Variants in RASEF observed in about 807,000 individuals in gnomAD.
RASEF encodes the protein RAS and EF-hand domain containing, also known as ras and EF-hand domain-containing protein.
A neutral mutation model predicts 90.1 loss-of-function variants in RASEF; 68 were observed. The observed-to-expected ratio is 0.75, with a 90% CI of 0.62 to 0.92. The LOEUF (loss-of-function observed/expected upper bound fraction) is 0.92. RASEF is among the 40% of genes least tolerant of loss of function. The pLI is 0.00. For missense variants in RASEF, 949 were observed against 937.2 expected (o/e 1.01, Z -0.16); for synonymous variants, 331 against 345.2 (o/e 0.96, Z 0.46).
chr9:83,028,121 A>T (rs1039968060), intron 1 of RASEF, among the ~76,000 whole-genome samples: 1 of 152,240 alleles, frequency 6.6e-6, no homozygotes, highest in Non-Finnish European at 1.5e-5. Context: ...TAATACCAGC[A>T]TCAAATAATT....
chr9:83,062,338 TA>T (rs774928737), intron 1 of RASEF, 98 bp downstream of exon 1: 14,344 of 748,758 alleles, frequency 0.019, 195 homozygotes, highest in South Asian at 0.1. Context: ...CAGAGAAGAC[TA>T]GGGGGGGGGG....
At chr9:82,985,546 G>A (rs1276188446) in intron 16 of RASEF, among the ~76,000 whole-genome samples, 4 of 152,160 alleles carry the variant, frequency 2.6e-5, no homozygotes, top group Non-Finnish European at 4.4e-5. Context: ...GGGACTCTGT[G>A]TTTTCAGTAA....
Position 83,022,372 on chromosome 9 carries a change from C to A in RASEF, c.633G>T (p.Gln211His), listed in dbSNP as rs1450923873. ...QLSELEEEMD[Q>H]RIQAAEHKTR... ...TCTTATGTTCTGCAGCCTGAATCCT[C>A]TGATCCATTTCCTCTTCCAACTCAC... Residue 211 changes from glutamine to histidine, a missense_variant, in exon 3 of 17, where the codon CAG becomes CAT. Transcript: ENST00000376447. 1 of 1,614,150 alleles carries A rather than the reference C, an allele frequency of 6.2e-7. No homozygotes were observed. Among genetic ancestry groups the A allele is most frequent in the Admixed American group, 1.7e-5 (1 of 60,020 alleles).
Position 83,062,736 on chromosome 9 carries a change from C to G in RASEF, c.132G>C (p.Pro44=). ...GCTGGAATACTGCCTCGGCGTCGGC[C>G]GGCCGCACCCGCAGCTCCGTGCACA... ...RALCTELRVR[P]ADAEAVFQRL... The change falls in exon 1 of 17, where the codon CCG becomes CCC. Residue 44 remains proline (P), a synonymous_variant. Coordinates refer to ENST00000376447, the MANE Select transcript of RASEF (RefSeq NM_152573.4). 1 of 1,569,612 alleles carries G rather than the reference C, an allele frequency of 6.4e-7. No individual in the cohort carries two copies. Among genetic ancestry groups the G allele is most frequent in the Non-Finnish European group, 8.6e-7 (1 of 1,166,382 alleles).
At chr9:83,008,446 A>C (rs1392310822) in intron 6 of RASEF, among the ~76,000 whole-genome samples, 1 of 151,476 alleles carries the variant, frequency 6.6e-6, no homozygotes, top group Non-Finnish European at 1.5e-5. Flanking sequence ...ATCCTTCCCT[A>C]TGTTCTGGTC....
the RASEF span, among the ~76,000 whole-genome samples, chr9:83,117,642 C>A: frequency 6.6e-6 from 1 of 152,142 alleles, no homozygotes; most frequent in Non-Finnish European, 1.5e-5. Context: ...TTTGTGAATC[C>A]TGTATGTGTA....
chr9:83,014,738 A>T lies in RASEF; in HGVS notation c.765+1067T>A, dbSNP rs116223896. On this transcript the variant is annotated intron_variant, in intron 4 of 16. Transcript: ENST00000376447. The stretch of plus-strand genomic sequence containing the variant: ...TACAGTGCCGGAGCCAGCCTGTACC[A>T]GCAGGTGAGAGTCTGCTTTAAGCAT... 6.1e-3 allele frequency among the ~76,000 whole-genome samples: 922 copies of T among 152,348 alleles called. 7 individuals are homozygous for T. Among genetic ancestry groups the T allele is most frequent in the African/African-American group, 0.021 (890 of 41,568 alleles).
chr9:83,041,682 C>T (rs1023546236), intron 1 of RASEF, among the ~76,000 whole-genome samples: 2 of 152,190 alleles, frequency 1.3e-5, no homozygotes, highest in African/African-American at 4.8e-5. Flanking sequence ...GTCCACTCCA[C>T]TGCTTTCCCA....
chr9:83,209,391 T>C, the RASEF span, among the ~76,000 whole-genome samples: 4 of 152,216 alleles, frequency 2.6e-5, no homozygotes, highest in African/African-American at 9.6e-5. Context: ...GCAGTCTGTA[T>C]GGGAGGTAAT....
the RASEF span, among the ~76,000 whole-genome samples, chr9:83,185,971 G>A: frequency 0.015 from 38 of 2,452 alleles, no homozygotes; most frequent in South Asian, 0.31. Flanking sequence ...AATGGGTGGC[G>A]GGGGGGGCAA....
At chr9:83,036,993 A>T (rs747577363) in intron 1 of RASEF, among the ~76,000 whole-genome samples, 4 of 152,126 alleles carry the variant, frequency 2.6e-5, no homozygotes, top group Non-Finnish European at 5.9e-5. Flanking sequence ...TGGTATCATT[A>T]GCCACATGAA....
chr9:83,124,966 T>C, the RASEF span, among the ~76,000 whole-genome samples: 1 of 152,184 alleles, frequency 6.6e-6, no homozygotes, highest in Non-Finnish European at 1.5e-5. Context: ...CAAACAGTCG[T>C]GTGATAGCAT....
chr9:83,144,382 A>G, the RASEF span, among the ~76,000 whole-genome samples: 46 of 57,196 alleles, frequency 8.0e-4, 1 homozygote, highest in South Asian at 0.012. Context: ...AAAGAAAGAA[A>G]GAAAGAAAGG....
the RASEF span, among the ~76,000 whole-genome samples, chr9:83,158,512 C>A: frequency 1.3e-5 from 2 of 150,422 alleles, no homozygotes; most frequent in African/African-American, 4.9e-5. Context: ...TCAGAATAGA[C>A]ATTCACATTG....
chr9:83,130,056 C>T, the RASEF span, among the ~76,000 whole-genome samples: 1 of 152,168 alleles, frequency 6.6e-6, no homozygotes, highest in Non-Finnish European at 1.5e-5. Context: ...AAGTCAGTTG[C>T]CTCAGTAGTA....
the RASEF span, among the ~76,000 whole-genome samples, chr9:83,129,617 G>A: frequency 6.6e-6 from 1 of 152,158 alleles, no homozygotes; most frequent in African/African-American, 2.4e-5. Flanking sequence ...TTTAGAATGT[G>A]TCTCCTCCTT....
At chr9:83,127,709 G>A in the RASEF span, among the ~76,000 whole-genome samples, 2 of 152,180 alleles carry the variant, frequency 1.3e-5, no homozygotes, top group African/African-American at 4.8e-5. Flanking sequence ...GTCCTTGGGT[G>A]GGACAGGCAA....
the RASEF span, among the ~76,000 whole-genome samples, chr9:83,112,415 C>T: frequency 9.2e-5 from 14 of 152,086 alleles, no homozygotes; most frequent in South Asian, 2.1e-4. Flanking sequence ...CTGAGCGCGG[C>T]GGCTCACGCC....
chr9:83,147,569 G>C, the RASEF span, among the ~76,000 whole-genome samples: 1 of 152,190 alleles, frequency 6.6e-6, no homozygotes, highest in Non-Finnish European at 1.5e-5. Flanking sequence ...AGCACTTTTG[G>C]GCTCTGGCCC....
Sources: allele counts gnomAD v4.1 joint callset (sites outside exome capture counted in the v4.1 genomes callset), GRCh38; gene constraint gnomAD v4.1.1; transcripts MANE v1.5; gene names NCBI Gene and HGNC (gene_info 2026-07-23, HGNC 2026-07-21).